RNGTT: variants seen among roughly 807,000 people sequenced by gnomAD.
RNGTT encodes the protein mRNA-capping enzyme.
Under a neutral mutation model 79.3 loss-of-function variants are expected in RNGTT, and 33 were observed. The observed-to-expected ratio is 0.42, with a 90% CI of 0.32 to 0.56. RNGTT has a LOEUF of 0.56. Among genes scored for constraint, RNGTT ranks in the 20% least tolerant of loss-of-function variants. The pLI is 0.17. For synonymous variants in RNGTT, 222 were observed against 235.9 expected, an observed-to-expected ratio of 0.94 and a Z score of 0.54; for missense variants, 497 against 739.1, an observed-to-expected ratio of 0.67 and a Z score of 3.80.
intron 13 of RNGTT, among the ~76,000 whole-genome samples, chr6:88,732,401 T>C (rs963708322): frequency 5.3e-5 from 8 of 152,312 alleles, no homozygotes; most frequent in Admixed American, 3.9e-4. Flanking sequence ...ATATGGGCAC[T>C]GCTGCTGGGA....
chr6:88,743,097 G>A (rs1329039328), intron 13 of RNGTT, among the ~76,000 whole-genome samples: 1 of 152,134 alleles, frequency 6.6e-6, no homozygotes, highest in Non-Finnish European at 1.5e-5. Flanking sequence ...TATTAAAAAT[G>A]CACAAAAGGG....
intron 11 of RNGTT, among the ~76,000 whole-genome samples, chr6:88,812,397 A>G (rs1780168718): frequency 6.6e-6 from 1 of 152,236 alleles, no homozygotes; most frequent in Admixed American, 6.5e-5. Context: ...AGAAGTAGTC[A>G]ACCACATCCT....
intron 13 of RNGTT, among the ~76,000 whole-genome samples, chr6:88,761,808 T>C (rs1778268005): frequency 6.6e-6 from 1 of 152,112 alleles, no homozygotes; most frequent in African/African-American, 2.4e-5. Context: ...AGAAAAAAAG[T>C]GCTGACCCTT....
At chr6:88,848,507 T>C (rs919211857) in intron 10 of RNGTT, among the ~76,000 whole-genome samples, 2 of 152,086 alleles carry the variant, frequency 1.3e-5, no homozygotes, top group East Asian at 3.8e-4. Flanking sequence ...ATTTATACAA[T>C]TTAATACTCA....
intron 10 of RNGTT, among the ~76,000 whole-genome samples, chr6:88,848,250 T>C (rs1409495349): frequency 6.6e-6 from 1 of 152,070 alleles, no homozygotes; most frequent in Non-Finnish European, 1.5e-5. Context: ...GAGAGAAATT[T>C]AGCAATGCAG....
At chr6:88,913,399 C>G (rs1036481537) in intron 4 of RNGTT, among the ~76,000 whole-genome samples, 1 of 151,576 alleles carries the variant, frequency 6.6e-6, no homozygotes. Context: ...CTGGCAAAAA[C>G]ACAACAAAAA....
intron 13 of RNGTT, among the ~76,000 whole-genome samples, chr6:88,707,254 T>C (rs1330547993): frequency 6.6e-6 from 1 of 151,842 alleles, no homozygotes; most frequent in Non-Finnish European, 1.5e-5. Context: ...AAACAAGAAG[T>C]CCAAAAGATT....
At chr6:88,807,314 C>G (rs1362197085) in intron 11 of RNGTT, among the ~76,000 whole-genome samples, 1 of 151,902 alleles carries the variant, frequency 6.6e-6, no homozygotes, top group Non-Finnish European at 1.5e-5. Flanking sequence ...GGAAAACATG[C>G]ATAAACGGAT....
intron 11 of RNGTT, among the ~76,000 whole-genome samples, chr6:88,830,138 G>A (rs1780806335): frequency 6.6e-6 from 1 of 152,056 alleles, no homozygotes; most frequent in Non-Finnish European, 1.5e-5. Flanking sequence ...GCACATAATT[G>A]GAAGTAAAAC....
chr6:88,798,968 CAAT>C (rs1322303143), intron 12 of RNGTT, among the ~76,000 whole-genome samples: 1 of 151,900 alleles, frequency 6.6e-6, no homozygotes, highest in East Asian at 1.9e-4. Context: ...TAAAATTAGA[CAAT>C]GATGAGAACT....
intron 11 of RNGTT, among the ~76,000 whole-genome samples, chr6:88,831,424 C>G (rs978572926): frequency 1.2e-4 from 19 of 152,200 alleles, no homozygotes; most frequent in African/African-American, 4.3e-4. Context: ...AGACTAGGTA[C>G]TGATGGAACT....
intron 13 of RNGTT, among the ~76,000 whole-genome samples, chr6:88,767,542 A>G (rs1778501135): frequency 6.6e-6 from 1 of 152,028 alleles, no homozygotes. Context: ...CAATGAAACA[A>G]TCCGAGAGTC....
chr6:88,901,495 C>CTTTTTTTTTTTTTTTTTTTTTTTTTT (rs71024314), intron 6 of RNGTT, among the ~76,000 whole-genome samples: 1 of 65,810 alleles, frequency 1.5e-5, no homozygotes, highest in Non-Finnish European at 2.7e-5. Context: ...GCACCCTGAT[C>CTTTTTTTTTTTTTTTTTTTTTTTTTT]TTTTTTTTTT....
intron 1 of RNGTT, among the ~76,000 whole-genome samples, chr6:88,955,255 T>C (rs1001381225): frequency 1.3e-5 from 2 of 150,984 alleles, no homozygotes; most frequent in Non-Finnish European, 3.0e-5. Flanking sequence ...GTTCATAGCA[T>C]TAAATACCTA....
chr6:88,684,267 G>A (rs139083636), intron 13 of RNGTT, among the ~76,000 whole-genome samples: 131 of 152,270 alleles, frequency 8.6e-4, no homozygotes, highest in African/African-American at 3.1e-3. Flanking sequence ...ACAGGAACTC[G>A]CGAGCATTGC....
At chr6:88,945,904 G>A (rs1402122909) in intron 1 of RNGTT, among the ~76,000 whole-genome samples, 1 of 152,210 alleles carries the variant, frequency 6.6e-6, no homozygotes, top group East Asian at 1.9e-4. Context: ...CATCAAAGAT[G>A]GAAAGACTCT....
At chr6:88,939,174 T>C (rs1784766424) in intron 2 of RNGTT, among the ~76,000 whole-genome samples, 1 of 152,228 alleles carries the variant, frequency 6.6e-6, no homozygotes, top group Non-Finnish European at 1.5e-5. Context: ...TTTTAATCTA[T>C]TATTTCATTA....
intron 8 of RNGTT, among the ~76,000 whole-genome samples, chr6:88,865,021 C>T (rs1039566743): frequency 6.6e-6 from 1 of 151,910 alleles, no homozygotes; most frequent in Non-Finnish European, 1.5e-5. Flanking sequence ...GACAGTTGCA[C>T]ACAATATGAA....
rs530418966 is a variant in RNGTT, at chr6:88,789,147, C to T, written c.1338+12417G>A. ...AAGTATCTTCTTTCTTGGCCGGGCA[C>T]GGTGACTTACACCTGTAATCCCAGC... On this transcript the variant is annotated intron_variant, in intron 12 of 15. Coordinates refer to ENST00000369485, the MANE Select transcript of RNGTT (RefSeq NM_003800.5). Among the ~76,000 whole-genome samples, 15 of 152,206 alleles carry T rather than the reference C, an allele frequency of 9.9e-5. No individual in the cohort carries two copies. In the South Asian group the frequency reaches 3.1e-3, roughly 32 times the overall value.
Sources: gnomAD v4.1 joint callset for allele counts (sites outside exome capture counted in the v4.1 genomes callset) on GRCh38, gnomAD v4.1.1 for gene constraint, MANE v1.5 for transcripts, NCBI Gene and HGNC (gene_info 2026-07-23, HGNC 2026-07-21) for gene names.